Variants in LRRC7 observed in about 807,000 individuals in gnomAD.
The protein encoded by LRRC7 is leucine-rich repeat-containing protein 7.
LRRC7 carries 23 observed loss-of-function variants against 175.7 expected under a neutral mutation model. That is an observed-to-expected ratio of 0.13 (90% CI 0.09 to 0.19). The LOEUF (loss-of-function observed/expected upper bound fraction) is 0.19. Ranked by LOEUF, LRRC7 falls within the 10% of genes least tolerant of loss-of-function variation. The pLI, the probability that LRRC7 is intolerant of heterozygous loss-of-function variation, is 1.00. For synonymous variants in LRRC7, 685 were observed against 680.9 expected (o/e 1.01, Z -0.09); for missense variants, 1,354 against 1,904.7 (o/e 0.71, Z 5.38).
intron 1 of LRRC7, among the ~76,000 whole-genome samples, chr1:69,600,778 T>G (rs1254062879): frequency 6.8e-6 from 1 of 147,926 alleles, no homozygotes; most frequent in Non-Finnish European, 1.5e-5. Flanking sequence ...GAATTAGCCA[T>G]TTCTCCAAGG....
At chr1:70,070,559 C>T (rs1056017200) in intron 23 of LRRC7, among the ~76,000 whole-genome samples, 1 of 152,120 alleles carries the variant, frequency 6.6e-6, no homozygotes, top group Admixed American at 6.6e-5. Flanking sequence ...CTGTATCTTA[C>T]TTAAAGCTTC....
intron 2 of LRRC7, among the ~76,000 whole-genome samples, chr1:69,688,925 G>A (rs1339020547): frequency 6.6e-6 from 1 of 152,102 alleles, no homozygotes; most frequent in African/African-American, 2.4e-5. Flanking sequence ...CTACATATTT[G>A]TCTATACATA....
chr1:70,068,125 T>G (rs1662112599), intron 23 of LRRC7, among the ~76,000 whole-genome samples: 1 of 152,180 alleles, frequency 6.6e-6, no homozygotes, highest in African/African-American at 2.4e-5. Flanking sequence ...TTTCACTGAC[T>G]ACAACTTTCA....
At chr1:69,863,128 A>G (rs17131059) in intron 7 of LRRC7, among the ~76,000 whole-genome samples, 1,881 of 152,222 alleles carry the variant, frequency 0.012, 34 homozygotes, top group African/African-American at 0.042. Context: ...CTGATCAGTC[A>G]ACAAGTTCTG....
At chr1:70,001,438 CTCA>C (rs1200820774) in intron 11 of LRRC7, among the ~76,000 whole-genome samples, 1 of 152,074 alleles carries the variant, frequency 6.6e-6, no homozygotes, top group East Asian at 1.9e-4. Context: ...TCGTTTTATT[CTCA>C]TTTTAGTTTT....
At chr1:69,650,533 C>G (rs1166916608) in intron 1 of LRRC7, among the ~76,000 whole-genome samples, 1 of 43,156 alleles carries the variant, frequency 2.3e-5, no homozygotes, top group Non-Finnish European at 4.1e-5. Context: ...AAGAGAGACT[C>G]CGTCTCAAAA....
chr1:69,621,997 C>T (rs533389216), intron 1 of LRRC7, among the ~76,000 whole-genome samples: 27 of 152,234 alleles, frequency 1.8e-4, no homozygotes, highest in Middle Eastern at 3.4e-3. Context: ...TTTAGAGACT[C>T]TTATATGTTA....
intron 4 of LRRC7, among the ~76,000 whole-genome samples, chr1:69,799,067 T>C (rs1676143295): frequency 6.6e-6 from 1 of 151,760 alleles, no homozygotes; most frequent in Non-Finnish European, 1.5e-5. Context: ...TTTAGGTTTT[T>C]GGTGACTTGA....
intron 7 of LRRC7, among the ~76,000 whole-genome samples, chr1:69,922,380 T>C (rs6663506): frequency 1 from 152,259 of 152,262 alleles, 76,128 homozygotes; most frequent in Middle Eastern, 1. Flanking sequence ...ATTCCTACCT[T>C]CCCCAAGGCT....
At chr1:70,107,874 AT>A in intron 26 of LRRC7, 48 bp downstream of exon 26, 1 of 1,381,556 alleles carries the variant, frequency 7.2e-7, no homozygotes, top group South Asian at 1.2e-5. Flanking sequence ...TGAGACAAAT[AT>A]GTAACCATGT....
chr1:69,724,321 G>A (rs903397958), intron 2 of LRRC7, among the ~76,000 whole-genome samples: 1 of 152,104 alleles, frequency 6.6e-6, no homozygotes, highest in African/African-American at 2.4e-5. Context: ...CAGACTGGGC[G>A]ACAGAACGAG....
intron 8 of LRRC7, among the ~76,000 whole-genome samples, chr1:69,962,452 A>G (rs1169335527): frequency 6.6e-6 from 1 of 152,296 alleles, no homozygotes; most frequent in East Asian, 1.9e-4. Flanking sequence ...GAAAGAACTA[A>G]GATTTGACCC....
intron 1 of LRRC7, among the ~76,000 whole-genome samples, chr1:69,611,627 C>G (rs933404716): frequency 6.6e-5 from 10 of 152,016 alleles, no homozygotes; most frequent in Non-Finnish European, 1.3e-4. Flanking sequence ...GCCAACAATG[C>G]TATAACTCAT....
intron 23 of LRRC7, among the ~76,000 whole-genome samples, chr1:70,056,102 C>T (rs1053983132): frequency 6.6e-6 from 1 of 152,022 alleles, no homozygotes; most frequent in East Asian, 1.9e-4. Context: ...TTAAGGCATC[C>T]GAGTGGAAAT....
intron 11 of LRRC7, among the ~76,000 whole-genome samples, chr1:70,001,810 G>A (rs930851728): frequency 2.6e-5 from 4 of 152,086 alleles, no homozygotes; most frequent in Non-Finnish European, 1.5e-5. Context: ...AATAATGAGC[G>A]CCTTTTTTTG....
chr1:69,884,477 C>G (rs1464830457), intron 7 of LRRC7, among the ~76,000 whole-genome samples: 4 of 130,490 alleles, frequency 3.1e-5, no homozygotes, highest in Non-Finnish European at 6.3e-5. Context: ...TATCCTGAGA[C>G]TTTGCTGAAG....
chr1:69,760,575 G>A (rs141206704), intron 3 of LRRC7, among the ~76,000 whole-genome samples, 182 bp downstream of exon 3: 1,646 of 151,798 alleles, frequency 0.011, 24 homozygotes, highest in African/African-American at 0.038. Context: ...ATGATTTCAC[G>A]GGCCTCTGTT....
intron 1 of LRRC7, among the ~76,000 whole-genome samples, chr1:69,631,596 C>T (rs773323140): frequency 6.6e-5 from 10 of 152,028 alleles, no homozygotes; most frequent in East Asian, 1.9e-4. Context: ...TTCCCCTCTC[C>T]GTAAAGCCCC....
At chr1:69,762,993 A>G (rs1671204229) in intron 3 of LRRC7, among the ~76,000 whole-genome samples, 1 of 152,064 alleles carries the variant, frequency 6.6e-6, no homozygotes, top group South Asian at 2.1e-4. Flanking sequence ...CCCTTAAAGT[A>G]TCTGATATAT....
Sources: allele counts gnomAD v4.1 joint callset (sites outside exome capture counted in the v4.1 genomes callset), GRCh38; gene constraint gnomAD v4.1.1; transcripts MANE v1.5; gene names NCBI Gene and HGNC (gene_info 2026-07-23, HGNC 2026-07-21).